Variants in KCNAB2 observed in about 807,000 individuals in gnomAD.
KCNAB2 encodes the protein voltage-gated potassium channel subunit beta-2.
A neutral mutation model predicts 63.6 loss-of-function variants in KCNAB2; 29 were observed. The observed-to-expected ratio is 0.46, with a 90% CI of 0.34 to 0.62. The LOEUF (loss-of-function observed/expected upper bound fraction) is 0.62. Among genes scored for constraint, KCNAB2 ranks in the 20% least tolerant of loss-of-function variants. The probability of loss-of-function intolerance (pLI) is 0.01; values close to 1 mark genes in which losing one functional copy is unlikely to be tolerated. For missense variants in KCNAB2, 359 were observed against 563.9 expected (o/e 0.64, Z 3.68); for synonymous variants, 222 against 224.2 (o/e 0.99, Z 0.09).
upstream of KCNAB2, among the ~76,000 whole-genome samples, chr1:6,044,534 G>T (rs1313260085): frequency 6.6e-6 from 1 of 152,170 alleles, no homozygotes; most frequent in Non-Finnish European, 1.5e-5. Flanking sequence ...ACCCAGCCTG[G>T]GCCATCAGGG....
upstream of KCNAB2, among the ~76,000 whole-genome samples, chr1:6,042,487 G>C (rs556414821): frequency 6.6e-6 from 1 of 152,336 alleles, no homozygotes; most frequent in East Asian, 1.9e-4. Flanking sequence ...CCTGCAGGGT[G>C]CTCTTGGGGA....
At chr1:6,072,659 G>A (rs1663305358) in intron 2 of KCNAB2, 96 bp from the exon 3 acceptor site, 5 of 1,314,354 alleles carry the variant, frequency 3.8e-6, no homozygotes, top group Non-Finnish European at 5.5e-6. Flanking sequence ...ATTGACTGTT[G>A]GGGGAGTGGG....
At position 6,087,642 on chromosome 1, in the gene KCNAB2, C is replaced by T. The variant is rs1664818339; in HGVS notation, c.470+131C>T. 4 of 950,404 alleles carry T rather than the reference C, an allele frequency of 4.2e-6. No individual in the cohort carries two copies. Among genetic ancestry groups the T allele is most frequent in the South Asian group, 4.1e-5 (3 of 73,108 alleles). The allele number at this position is 950,404 out of a possible 1,614,324, so 58.9% of individuals were successfully genotyped here. A position where few individuals can be genotyped will look rare whatever the true frequency, so the allele number is the denominator to read the frequency against. ...GTCCTCCTTGAGAAGGGAGAGTGGT[C>T]GGGGTCTGTCCTGGACAGGCCCCGG... On this transcript the variant is annotated intron_variant, in intron 7 of 15. Coordinates refer to ENST00000378083, the MANE Select transcript of KCNAB2 (RefSeq NM_001199862.2). This position sits in a 1 kb window ranked among gnomAD's most constrained non-coding sequence, Gnocchi z 6.4.
intron 1 of KCNAB2, among the ~76,000 whole-genome samples, chr1:6,036,905 A>C (rs1210890894): frequency 6.6e-6 from 1 of 152,142 alleles, no homozygotes; most frequent in Non-Finnish European, 1.5e-5. Context: ...CAGATAGTAA[A>C]TAATTTAGGC....
At chr1:6,002,285 T>A (rs1190169811) in intron 1 of KCNAB2, among the ~76,000 whole-genome samples, 1 of 152,122 alleles carries the variant, frequency 6.6e-6, no homozygotes, top group African/African-American at 2.4e-5. Context: ...CCCCAAGGGG[T>A]CTTCCCCGCC....
intron 2 of KCNAB2, among the ~76,000 whole-genome samples, chr1:6,052,447 A>G (rs1361797765): frequency 1.3e-5 from 2 of 151,714 alleles, no homozygotes; most frequent in Non-Finnish European, 2.9e-5. Flanking sequence ...AAAAAAGTTT[A>G]GTAAATTCTC....
chr1:6,041,576 T>A, upstream of KCNAB2: 1 of 532,658 alleles, frequency 1.9e-6, no homozygotes, highest in East Asian at 3.2e-5. Context: ...GGGCCTGGCA[T>A]GGAAGGAGCC....
chr1:6,091,118 T>G, intron 9 of KCNAB2, 145 bp from the exon 10 acceptor site: 1 of 685,876 alleles, frequency 1.5e-6, no homozygotes, highest in South Asian at 1.5e-5. Flanking sequence ...CGCACGTGCG[T>G]GTGTTGATAT....
intron 2 of KCNAB2, among the ~76,000 whole-genome samples, chr1:6,072,376 A>G (rs531482150): frequency 6.6e-6 from 1 of 152,210 alleles, no homozygotes; most frequent in Non-Finnish European, 1.5e-5. Context: ...ATGCAGCCTT[A>G]GAGAGGAAGG....
intron 2 of KCNAB2, among the ~76,000 whole-genome samples, chr1:6,058,719 G>A (rs1262037630): frequency 6.6e-6 from 1 of 152,270 alleles, no homozygotes; most frequent in Non-Finnish European, 1.5e-5. Context: ...GCGCAGACAA[G>A]GGGCGGAGGC....
At chr1:6,092,041 G>GC (rs1204217907) in intron 10 of KCNAB2, among the ~76,000 whole-genome samples, 1 of 152,178 alleles carries the variant, frequency 6.6e-6, no homozygotes, top group Admixed American at 6.5e-5. Context: ...CCTGGGCCTG[G>GC]GCCCCTGTCT....
chr1:6,046,080 C>T lies in KCNAB2; in HGVS notation c.-130C>T. On this transcript the variant is annotated 5_prime_UTR_variant, in exon 1 of 16. Transcript: ENST00000378083. The stretch of plus-strand genomic sequence containing the variant: ...TTGCTTCTGACGTCCTGCAGTGACA[C>T]TCCCTAATGAAAAAGCCGCTGTGCC... 2 of 985,426 alleles carry T rather than the reference C, an allele frequency of 2.0e-6. No homozygotes were observed. The highest frequency in any genetic ancestry group is 4.7e-5 in the South Asian group (1 of 21,288). The allele number at this position is 985,426 out of a possible 1,614,324, so 61.0% of individuals were successfully genotyped here.
At chr1:6,036,524 T>C (rs1324789853) in intron 1 of KCNAB2, among the ~76,000 whole-genome samples, 3 of 152,150 alleles carry the variant, frequency 2.0e-5, no homozygotes, top group Non-Finnish European at 4.4e-5. Flanking sequence ...AAAGAAACTG[T>C]GTTTTTTGTT....
chr1:6,030,684 TTGTG>T (rs754487894), upstream of KCNAB2, among the ~76,000 whole-genome samples: 2 of 146,622 alleles, frequency 1.4e-5, no homozygotes, highest in Non-Finnish European at 3.0e-5. Context: ...GTATGTGTGT[TTGTG>T]TGTATGTGTG....
chr1:6,046,706 G>T (rs758053049), intron 1 of KCNAB2, among the ~76,000 whole-genome samples: 1 of 152,178 alleles, frequency 6.6e-6, no homozygotes, highest in African/African-American at 2.4e-5. Context: ...GCCGTGTCTT[G>T]TAGAGCCGCA....
chr1:6,070,328 C>G (rs1195918300), intron 2 of KCNAB2, among the ~76,000 whole-genome samples: 1 of 152,224 alleles, frequency 6.6e-6, no homozygotes, highest in Non-Finnish European at 1.5e-5. Context: ...TGGACTCCTA[C>G]TAAGCATTTA....
rs555868957 is a variant in KCNAB2 at position 6,035,480 on chromosome 1, A to G, written c.-53+686A>G. ...GTGGCAGCTGGGCAGGAGAGGAGAC[A>G]GGGAGAGGCACGGGGCCCCTGGCCC... On this transcript the variant is annotated intron_variant, in intron 1 of 15. Transcript: ENST00000164247. The surrounding 1 kb of genome is among the most constrained non-coding windows in gnomAD (Gnocchi z 5.0). Among the ~76,000 whole-genome samples the G allele has an allele frequency of 4.5e-4, 69 of 152,022 alleles. No homozygotes were observed. Among genetic ancestry groups the G allele is most frequent in the Non-Finnish European group, 7.2e-4 (49 of 67,990 alleles).
chr1:6,040,749 A>G (rs1660433648), intron 2 of KCNAB2: 2 of 695,860 alleles, frequency 2.9e-6, no homozygotes, highest in South Asian at 3.4e-5. Flanking sequence ...GAAGGGCCCA[A>G]GCAGGGCCCA....
chr1:6,082,605 G>A (rs1664303496), intron 5 of KCNAB2, among the ~76,000 whole-genome samples: 1 of 152,168 alleles, frequency 6.6e-6, no homozygotes. Flanking sequence ...GACATTTCAT[G>A]TCTCACTTGT....
Sources: allele counts gnomAD v4.1 joint callset (sites outside exome capture counted in the v4.1 genomes callset), GRCh38; gene constraint gnomAD v4.1.1; non-coding constraint Gnocchi (gnomAD v3.1); transcripts MANE v1.5; gene names NCBI Gene and HGNC (gene_info 2026-07-23, HGNC 2026-07-21).